TENM3: variants seen among roughly 807,000 people sequenced by gnomAD.
TENM3 encodes the protein teneurin transmembrane protein 3.
TENM3 carries 63 observed loss-of-function variants against 255.1 expected under a neutral mutation model. The ratio of observed to expected loss-of-function variants is 0.25; its 90% CI spans 0.20 to 0.30. The LOEUF is 0.30. Among genes scored for constraint, TENM3 ranks in the 10% least tolerant of loss-of-function variants. The pLI, the probability that TENM3 is intolerant of heterozygous loss-of-function variation, is 1.00. For missense variants in TENM3, 2,929 were observed against 3,461.1 expected (o/e 0.85, Z 3.86); for synonymous variants, 1,306 against 1,322.3 (o/e 0.99, Z 0.27).
At chr4:181,461,000 A>G in the TENM3 span, among the ~76,000 whole-genome samples, 1 of 151,750 alleles carries the variant, frequency 6.6e-6, no homozygotes, top group African/African-American at 2.4e-5. Flanking sequence ...TTCTGACTTT[A>G]TGATTTTCCT....
chr4:182,306,101 T>C (rs559631054), intron 1 of TENM3, among the ~76,000 whole-genome samples: 21 of 152,138 alleles, frequency 1.4e-4, no homozygotes, highest in Non-Finnish European at 2.6e-4. Context: ...AACCTGTACT[T>C]CATGCACCCA....
At chr4:182,405,827 C>G (rs905938183) in intron 3 of TENM3, among the ~76,000 whole-genome samples, 1 of 152,112 alleles carries the variant, frequency 6.6e-6, no homozygotes, top group Non-Finnish European at 1.5e-5. Flanking sequence ...GGCATAAACT[C>G]AGGGACAGAA....
chr4:181,449,659 T>C, the TENM3 span, among the ~76,000 whole-genome samples: 11 of 151,932 alleles, frequency 7.2e-5, no homozygotes, highest in African/African-American at 2.4e-4. Context: ...TGGTGGTGGG[T>C]GCCTGTAATC....
chr4:181,609,639 T>C, the TENM3 span, among the ~76,000 whole-genome samples: 1 of 152,258 alleles, frequency 6.6e-6, no homozygotes, highest in Non-Finnish European at 1.5e-5. Flanking sequence ...TGACCACATA[T>C]GTTGTGCATT....
At chr4:182,634,932 A>G (rs996278004) in intron 5 of TENM3, among the ~76,000 whole-genome samples, 1 of 152,204 alleles carries the variant, frequency 6.6e-6, no homozygotes, top group Non-Finnish European at 1.5e-5. Flanking sequence ...CTCATGAAGG[A>G]TAAACATTAT....
chr4:182,087,644 A>C, the TENM3 span, among the ~76,000 whole-genome samples: 9 of 148,946 alleles, frequency 6.0e-5, no homozygotes, highest in African/African-American at 2.2e-4. Context: ...TAAATCCATT[A>C]GTATAGATGG....
intron 3 of TENM3, among the ~76,000 whole-genome samples, chr4:182,418,017 C>G (rs1241767145): frequency 6.6e-6 from 1 of 151,946 alleles, no homozygotes; most frequent in Admixed American, 6.6e-5. Context: ...TAATTTGGCC[C>G]TAAATTATAC....
chr4:181,758,847 C>T, the TENM3 span, among the ~76,000 whole-genome samples: 1 of 152,110 alleles, frequency 6.6e-6, no homozygotes, highest in Non-Finnish European at 1.5e-5. Flanking sequence ...TATTCAACAC[C>T]CTCTGGAATT....
intron 1 of TENM3, among the ~76,000 whole-genome samples, chr4:182,268,054 A>G (rs1579960699): frequency 6.6e-6 from 1 of 152,218 alleles, no homozygotes; most frequent in Admixed American, 6.5e-5. Context: ...CATTACAATC[A>G]GCTAACAACC....
the TENM3 span, among the ~76,000 whole-genome samples, chr4:182,136,536 C>T: frequency 2.0e-5 from 3 of 152,074 alleles, no homozygotes; most frequent in African/African-American, 4.8e-5. Flanking sequence ...ATTGAAATTA[C>T]GGTGAGTAAA....
At chr4:182,657,981 G>C (rs1024425360) in intron 6 of TENM3, among the ~76,000 whole-genome samples, 2 of 152,154 alleles carry the variant, frequency 1.3e-5, no homozygotes, top group African/African-American at 4.8e-5. Flanking sequence ...AACATAGTGT[G>C]CTTAGTCACT....
At chr4:182,439,444 A>G (rs921581088) in intron 3 of TENM3, among the ~76,000 whole-genome samples, 7 of 152,226 alleles carry the variant, frequency 4.6e-5, no homozygotes, top group African/African-American at 1.7e-4. Flanking sequence ...CCTACAGGGT[A>G]TTTTAAATAA....
At chr4:182,738,038 T>C (rs766493700) in intron 17 of TENM3, among the ~76,000 whole-genome samples, 1 of 152,198 alleles carries the variant, frequency 6.6e-6, no homozygotes, top group Non-Finnish European at 1.5e-5. Flanking sequence ...GTTCTAATTA[T>C]TCAGATGGCA....
chr4:182,535,830 T>A (rs1445257461), intron 3 of TENM3, among the ~76,000 whole-genome samples: 1 of 152,078 alleles, frequency 6.6e-6, no homozygotes, highest in Non-Finnish European at 1.5e-5. Flanking sequence ...ATGTTAATAA[T>A]ACCTACCTCT....
At chr4:182,588,621 C>T (rs1283536384) in intron 3 of TENM3, among the ~76,000 whole-genome samples, 2 of 152,070 alleles carry the variant, frequency 1.3e-5, no homozygotes, top group Admixed American at 1.3e-4. Context: ...TTTGCTTACT[C>T]TCTCAGGTAA....
At chr4:182,432,000 T>C (rs915074476) in intron 3 of TENM3, among the ~76,000 whole-genome samples, 2 of 148,644 alleles carry the variant, frequency 1.3e-5, no homozygotes, top group African/African-American at 2.5e-5. Context: ...CGCTTGAACC[T>C]GGGAGGTGGA....
At chr4:182,272,859 G>T (rs1759735932) in intron 1 of TENM3, among the ~76,000 whole-genome samples, 1 of 152,126 alleles carries the variant, frequency 6.6e-6, no homozygotes, top group Non-Finnish European at 1.5e-5. Context: ...AGAGAGAATG[G>T]CTGAGTGAGA....
At chr4:182,473,177 T>C (rs1342780809) in intron 3 of TENM3, among the ~76,000 whole-genome samples, 1 of 152,194 alleles carries the variant, frequency 6.6e-6, no homozygotes, top group Non-Finnish European at 1.5e-5. Flanking sequence ...TCCTTTATTG[T>C]TCAACTTACT....
At chr4:182,111,630 A>T in the TENM3 span, among the ~76,000 whole-genome samples, 1 of 152,172 alleles carries the variant, frequency 6.6e-6, no homozygotes, top group African/African-American at 2.4e-5. Context: ...TCTTTTCCTT[A>T]GGTCCTTTAT....
Sources: gnomAD v4.1 joint callset for allele counts (sites outside exome capture counted in the v4.1 genomes callset) on GRCh38, gnomAD v4.1.1 for gene constraint, MANE v1.5 for transcripts, NCBI Gene and HGNC (gene_info 2026-07-23, HGNC 2026-07-21) for gene names.